The following MAGI2 variants were observed in gnomAD, a reference collection of about 807,000 sequenced individuals.
The protein encoded by MAGI2 is membrane-associated guanylate kinase, WW and PDZ domain-containing protein 2.
Under a neutral mutation model 133.3 loss-of-function variants are expected in MAGI2, and 35 were observed. That is an observed-to-expected ratio of 0.26 (90% CI 0.20 to 0.35). The LOEUF is 0.35. MAGI2 is among the 10% of genes least tolerant of loss of function. The pLI, the probability that MAGI2 is intolerant of heterozygous loss-of-function variation, is 1.00. For missense variants in MAGI2, 1,636 were observed against 1,863.4 expected (o/e 0.88, Z 2.25); for synonymous variants, 729 against 710.6 (o/e 1.03, Z -0.41).
intron 3 of MAGI2, among the ~76,000 whole-genome samples, chr7:78,575,750 A>C (rs928514081): frequency 1.3e-5 from 2 of 152,206 alleles, no homozygotes; most frequent in African/African-American, 4.8e-5. Flanking sequence ...ATTCTACAAA[A>C]TACTTGACAA....
intron 3 of MAGI2, chr7:78,583,370 C>T (rs1482446952): frequency 2.6e-5 from 5 of 189,500 alleles, no homozygotes; most frequent in African/African-American, 7.2e-5. Context: ...TGGTGGCGGG[C>T]GCCTGTGGTC....
chr7:78,885,998 GT>G (rs1467670596), intron 2 of MAGI2, among the ~76,000 whole-genome samples: 1 of 152,144 alleles, frequency 6.6e-6, no homozygotes, highest in Non-Finnish European at 1.5e-5. Context: ...ATCTACTGCT[GT>G]AAGACAGCAA....
chr7:78,441,662 AAAG>A lies in MAGI2; in HGVS notation c.1045+48096_1045+48098del, dbSNP rs1408852667. 7.3e-5 allele frequency among the ~76,000 whole-genome samples: 11 copies of A among 151,596 alleles called. No homozygotes were observed. The East Asian group carries it at 2.1e-3, about 29-fold the overall frequency. ...TCTTTCTTAATTTTAAGGAAAAAAA[AAAG>A]AAAGAAAAAAACTACAAAACCCAAA... On this transcript the variant is annotated intron_variant, in intron 6 of 21. Coordinates refer to ENST00000354212, the MANE Select transcript of MAGI2 (RefSeq NM_012301.4).
rs1332190308 is a variant in MAGI2, at chr7:79,453,649, C to A, written c.-329G>T. The A allele has an allele frequency of 1.6e-5, 6 of 380,616 alleles. No homozygotes were observed. The highest frequency in any genetic ancestry group is 2.1e-5 in the Non-Finnish European group (6 of 282,976). 23.6% of individuals were successfully genotyped at this position (380,616 alleles called of 1,614,324 possible). On this transcript the variant is annotated 5_prime_UTR_variant, in exon 1 of 22. Transcript: ENST00000354212. ...GGCGGCAGCCGGAGCGAGCAGTAGC[C>A]GAGCTGGTGAGCGGGTGTGGTGGGG...
At chr7:78,245,606 A>C (rs1791682886) in intron 10 of MAGI2, among the ~76,000 whole-genome samples, 1 of 151,962 alleles carries the variant, frequency 6.6e-6, no homozygotes. Context: ...ATGGAAGGAA[A>C]CCCCTGGCCT....
chr7:79,236,936 T>A (rs1255512136), intron 1 of MAGI2, among the ~76,000 whole-genome samples: 1 of 152,136 alleles, frequency 6.6e-6, no homozygotes, highest in Non-Finnish European at 1.5e-5. Flanking sequence ...TCCCAGCTAC[T>A]CAGGAGACTG....
chr7:78,361,439 A>G (rs927266510), intron 7 of MAGI2, among the ~76,000 whole-genome samples: 6 of 140,106 alleles, frequency 4.3e-5, no homozygotes, highest in Non-Finnish European at 7.7e-5. Context: ...CCTCCCCCCC[A>G]CAAAATGTGT....
chr7:78,619,475 T>G (rs938866318), intron 3 of MAGI2, among the ~76,000 whole-genome samples: 1 of 151,970 alleles, frequency 6.6e-6, no homozygotes, highest in Non-Finnish European at 1.5e-5. Flanking sequence ...GCAAGTCACT[T>G]CATTTTCTGT....
chr7:79,187,897 GT>G (rs1292290910), intron 1 of MAGI2, among the ~76,000 whole-genome samples: 28 of 151,658 alleles, frequency 1.8e-4, no homozygotes, highest in Middle Eastern at 6.8e-3. Flanking sequence ...AAAACATAAA[GT>G]TATGCAAAAA....
rs144194255 is a variant in MAGI2 at position 78,305,625 on chromosome 7, T to G, written c.1408+38153A>C. 9.6e-4 allele frequency among the ~76,000 whole-genome samples: 146 copies of G among 152,260 alleles called. 2 individuals carry two copies. In the East Asian group the frequency reaches 0.022, roughly 23 times the overall value. On this transcript the variant is annotated intron_variant, in intron 9 of 21. Transcript: ENST00000354212. ...TTGAAACCCCTTATCCAACTAGCAG[T>G]GTAACCATGAGCTCCAACCTCCTAT...
At chr7:79,064,739 T>G (rs1440174999) in intron 1 of MAGI2, among the ~76,000 whole-genome samples, 2 of 152,110 alleles carry the variant, frequency 1.3e-5, no homozygotes, top group Non-Finnish European at 2.9e-5. Flanking sequence ...CACATGAATT[T>G]TAGCAGGGTC....
intron 6 of MAGI2, among the ~76,000 whole-genome samples, chr7:78,450,612 T>C (rs1301448275): frequency 1.3e-5 from 2 of 152,054 alleles, no homozygotes; most frequent in Non-Finnish European, 2.9e-5. Flanking sequence ...AGGTCTTTAT[T>C]AACTTGAGGG....
At chr7:79,308,038 C>T (rs1254076172) in intron 1 of MAGI2, among the ~76,000 whole-genome samples, 1 of 151,920 alleles carries the variant, frequency 6.6e-6, no homozygotes, top group Non-Finnish European at 1.5e-5. Context: ...CTTTGGGGAG[C>T]TGGGATTGGA....
chr7:79,061,326 C>T (rs1249995364), intron 1 of MAGI2, among the ~76,000 whole-genome samples: 1 of 150,244 alleles, frequency 6.7e-6, no homozygotes, highest in Non-Finnish European at 1.5e-5. Context: ...TTTTCTCGGG[C>T]CTTTCATTAT....
intron 12 of MAGI2, 23 bp downstream of exon 12, chr7:78,194,851 T>C (rs1220888363): frequency 1.3e-6 from 2 of 1,563,092 alleles, no homozygotes; most frequent in African/African-American, 2.8e-5. Flanking sequence ...AATGTACCCT[T>C]GTTTCATGTG....
At chr7:79,214,445 A>T (rs181340387) in intron 1 of MAGI2, among the ~76,000 whole-genome samples, 1,519 of 111,584 alleles carry the variant, frequency 0.014, 14 homozygotes, top group East Asian at 0.022. Context: ...ATATATATAA[A>T]TATGCACACA....
chr7:78,772,811 C>T (rs1043123847), intron 2 of MAGI2, among the ~76,000 whole-genome samples: 6 of 152,126 alleles, frequency 3.9e-5, no homozygotes, highest in Non-Finnish European at 1.5e-5. Flanking sequence ...AATCTTCCCT[C>T]GAAAAGTAAG....
At chr7:78,586,846 C>T (rs1268896865) in intron 3 of MAGI2, among the ~76,000 whole-genome samples, 1 of 152,154 alleles carries the variant, frequency 6.6e-6, no homozygotes, top group South Asian at 2.1e-4. Context: ...TTGTGACTCG[C>T]CTTTTTCACT....
At chr7:79,098,294 C>T (rs1458865952) in intron 1 of MAGI2, among the ~76,000 whole-genome samples, 1 of 152,102 alleles carries the variant, frequency 6.6e-6, no homozygotes, top group Non-Finnish European at 1.5e-5. Flanking sequence ...AGTGGTAGCC[C>T]TATCAGCCCT....
Sources: gnomAD v4.1 joint callset for allele counts (sites outside exome capture counted in the v4.1 genomes callset) on GRCh38, gnomAD v4.1.1 for gene constraint, MANE v1.5 for transcripts, NCBI Gene and HGNC (gene_info 2026-07-23, HGNC 2026-07-21) for gene names.